TRAM2: variants seen among roughly 807,000 people sequenced by gnomAD.
TRAM2 encodes the protein translocating chain-associated membrane protein 2.
Under a neutral mutation model 51.0 loss-of-function variants are expected in TRAM2, and 12 were observed. The ratio of observed to expected loss-of-function variants is 0.24; its 90% confidence interval spans 0.15 to 0.38. The LOEUF (loss-of-function observed/expected upper bound fraction) is 0.38, where lower values mean the gene tolerates loss of function less well. TRAM2 is among the 10% of genes least tolerant of loss of function. The pLI is 1.00. For synonymous variants in TRAM2, 175 were observed against 179.4 expected (o/e 0.98, Z 0.20); for missense variants, 361 against 462.0 (o/e 0.78, Z 2.00).
At chr6:52,563,148 G>C (rs1767527258) in intron 1 of TRAM2, among the ~76,000 whole-genome samples, 1 of 152,180 alleles carries the variant, frequency 6.6e-6, no homozygotes, top group Non-Finnish European at 1.5e-5. Flanking sequence ...TCCATCAAAA[G>C]GGGACTGGTT....
At chr6:52,570,801 C>CA (rs1016204904) in intron 1 of TRAM2, among the ~76,000 whole-genome samples, 7 of 119,542 alleles carry the variant, frequency 5.9e-5, no homozygotes, top group Non-Finnish European at 9.0e-5. Context: ...CACCACCCCC[C>CA]CCCCCACACG....
intron 2 of TRAM2, among the ~76,000 whole-genome samples, chr6:52,519,430 T>G (rs1766622274): frequency 6.6e-6 from 1 of 152,156 alleles, no homozygotes; most frequent in Admixed American, 6.5e-5. Flanking sequence ...CAAGGTTATC[T>G]CCTCACACCC....
At chr6:52,563,517 A>G (rs1170765055) in intron 1 of TRAM2, among the ~76,000 whole-genome samples, 1 of 151,964 alleles carries the variant, frequency 6.6e-6, no homozygotes, top group Non-Finnish European at 1.5e-5. Context: ...CAGGAGATCG[A>G]GACCATCCTG....
chr6:52,568,478 T>A (rs1478430251), intron 1 of TRAM2, among the ~76,000 whole-genome samples: 1 of 152,172 alleles, frequency 6.6e-6, no homozygotes. Flanking sequence ...TCTGAGGAAT[T>A]CTTCTCAGCC....
intron 4 of TRAM2, among the ~76,000 whole-genome samples, chr6:52,510,805 C>T (rs1456820978): frequency 6.6e-6 from 1 of 152,140 alleles, no homozygotes; most frequent in Non-Finnish European, 1.5e-5. Context: ...GGGGACATAC[C>T]CTCATCCAAG....
intron 1 of TRAM2, among the ~76,000 whole-genome samples, chr6:52,542,229 G>A (rs1193053191): frequency 1.3e-5 from 2 of 150,726 alleles, no homozygotes; most frequent in East Asian, 3.9e-4. Flanking sequence ...ACCTTGGAAA[G>A]TTACGCCCAA....
intron 8 of TRAM2, 49 bp downstream of exon 8, chr6:52,505,983 A>T: frequency 6.3e-7 from 1 of 1,593,704 alleles, no homozygotes; most frequent in Admixed American, 1.7e-5. Flanking sequence ...CCTCGGGGGA[A>T]CCCCTGCCCA....
At position 52,503,120 on chromosome 6, in the gene TRAM2, A is replaced by G; in HGVS notation, c.*77T>C. On this transcript the variant is annotated 3_prime_UTR_variant, in exon 11 of 11. Transcript: ENST00000182527. Reference sequence around the variant, plus strand: ...CGGAGCATCACAGGCAGGAAGGAGGAGGCAGGGAGGGGGCCTGGGCTCCTT... The same window carrying G: ...CGGAGCATCACAGGCAGGAAGGAGGGGGCAGGGAGGGGGCCTGGGCTCCTT... The G allele has an allele frequency of 8.3e-7, 1 of 1,202,830 alleles. No individual in the cohort carries two copies. 74.5% of individuals were successfully genotyped at this position (1,202,830 alleles called of 1,614,324 possible). A position where few individuals can be genotyped will look rare whatever the true frequency, so the allele number is the denominator to read the frequency against.
intron 1 of TRAM2, among the ~76,000 whole-genome samples, chr6:52,555,150 T>C (rs951718866): frequency 1.3e-5 from 2 of 152,230 alleles, no homozygotes; most frequent in Non-Finnish European, 2.9e-5. Context: ...TTATGTTAGA[T>C]GGGAATGGTA....
chr6:52,511,266 G>A (rs567478361), intron 4 of TRAM2, among the ~76,000 whole-genome samples: 4 of 152,210 alleles, frequency 2.6e-5, no homozygotes, highest in African/African-American at 7.2e-5. Flanking sequence ...CACCACACCC[G>A]GCTATTTTTT....
At chr6:52,528,324 T>A (rs564856331) in intron 2 of TRAM2, among the ~76,000 whole-genome samples, 8 of 152,120 alleles carry the variant, frequency 5.3e-5, no homozygotes, top group Admixed American at 3.3e-4. Flanking sequence ...GTAGCTTTCA[T>A]CCGTAATCAA....
At chr6:52,529,034 G>C (rs1430464130) in intron 2 of TRAM2, among the ~76,000 whole-genome samples, 1 of 151,826 alleles carries the variant, frequency 6.6e-6, no homozygotes, top group Non-Finnish European at 1.5e-5. Flanking sequence ...GGGACTACAA[G>C]TGCCCACCAC....
intron 1 of TRAM2, among the ~76,000 whole-genome samples, chr6:52,575,456 T>C (rs1767747535): frequency 6.6e-6 from 1 of 152,078 alleles, no homozygotes; most frequent in African/African-American, 2.4e-5. Context: ...TATCAAAAAG[T>C]GGAGTGGAGA....
intron 1 of TRAM2, among the ~76,000 whole-genome samples, chr6:52,569,428 A>G (rs1283770420): frequency 6.6e-6 from 1 of 151,854 alleles, no homozygotes; most frequent in African/African-American, 2.4e-5. Flanking sequence ...CAGGTTGTTT[A>G]AACCACCAAA....
chr6:52,543,279 T>TGG (rs1767136740), intron 1 of TRAM2, among the ~76,000 whole-genome samples: 1 of 152,340 alleles, frequency 6.6e-6, no homozygotes, highest in Middle Eastern at 3.4e-3. Context: ...TCCCCTTATC[T>TGG]GGATAGCATA....
At chr6:52,524,718 G>C (rs959337340) in intron 2 of TRAM2, 1 of 152,168 alleles carries the variant, frequency 6.6e-6, no homozygotes, top group African/African-American at 2.4e-5. Context: ...GCTTTGTACA[G>C]ATAAAGTGGT....
intron 4 of TRAM2, among the ~76,000 whole-genome samples, chr6:52,511,686 G>A (rs1027362896): frequency 3.9e-5 from 6 of 152,136 alleles, no homozygotes; most frequent in Non-Finnish European, 7.4e-5. Context: ...GTCACTAAAC[G>A]CCCTGTGACC....
chr6:52,556,839 A>C (rs888843780), intron 1 of TRAM2, among the ~76,000 whole-genome samples: 1 of 151,698 alleles, frequency 6.6e-6, no homozygotes, highest in African/African-American at 2.4e-5. Context: ...GAGGCAGGGG[A>C]ATTGCTTGAA....
At chr6:52,524,819 C>T (rs1423972629) in intron 2 of TRAM2, 1 of 152,106 alleles carries the variant, frequency 6.6e-6, no homozygotes, top group Non-Finnish European at 1.5e-5. Context: ...CTTCTGGAGC[C>T]ATCAGTTGTC....
Sources: gnomAD v4.1 joint callset for allele counts (sites outside exome capture counted in the v4.1 genomes callset) on GRCh38, gnomAD v4.1.1 for gene constraint, MANE v1.5 for transcripts, NCBI Gene and HGNC (gene_info 2026-07-23, HGNC 2026-07-21) for gene names.